The following VAV3 variants were observed in gnomAD, a reference collection of about 807,000 sequenced individuals.
The protein encoded by VAV3 is guanine nucleotide exchange factor VAV3.
Under a neutral mutation model 131.2 loss-of-function variants are expected in VAV3, and 94 were observed. The observed-to-expected ratio is 0.72, with a 90% CI of 0.61 to 0.85. The LOEUF is 0.85. VAV3 is among the 40% of genes least tolerant of loss of function. VAV3 has a pLI of 0.00. For synonymous variants in VAV3, 349 were observed against 342.0 expected (o/e 1.02, Z -0.22); for missense variants, 939 against 1,002.7 (o/e 0.94, Z 0.86).
Position 107,642,665 on chromosome 1 carries a change from T to A in VAV3, c.1868A>T (p.Asp623Val), listed in dbSNP as rs1557727461. The A allele has an allele frequency of 5.0e-6, 8 of 1,613,268 alleles. No homozygotes were observed. The East Asian group carries it at 1.8e-4, about 36-fold the overall frequency. ...ATCTCCTTTCAGAAGTTCAACGGTA[T>A]CCCCGGCCTGGAGCTGTAAAGGGGG... ...EGPPLQLQAG[D>V]TVELLKGDAH... The change falls in exon 20 of 27, where the codon GAT (aspartate) becomes GTT (valine). Residue 623 changes from aspartate to valine, a missense_variant. By Grantham distance (152) the Asp-to-Val change is radical. Transcript: ENST00000370056.
At chr1:107,731,998 C>A (rs1662271732) in intron 15 of VAV3, among the ~76,000 whole-genome samples, 1 of 152,196 alleles carries the variant, frequency 6.6e-6, no homozygotes, top group South Asian at 2.1e-4. Context: ...CAACAACTTA[C>A]TTCTAAGTGA....
At chr1:107,791,151 T>C (rs1316700120) in intron 2 of VAV3, among the ~76,000 whole-genome samples, 2 of 152,156 alleles carry the variant, frequency 1.3e-5, no homozygotes, top group Non-Finnish European at 2.9e-5. Context: ...TTGCTGTGAT[T>C]TGGCTGCATT....
intron 15 of VAV3, among the ~76,000 whole-genome samples, chr1:107,745,013 T>C (rs1663248391): frequency 6.6e-6 from 1 of 152,188 alleles, no homozygotes; most frequent in Admixed American, 6.5e-5. Flanking sequence ...AAAAGCACAA[T>C]GGATATATTG....
Position 107,704,635 on chromosome 1 carries a change from T to G in VAV3, c.1620A>C (p.Gln540His), listed in dbSNP as rs1437411989. ...CTCCACACTTAAAACATAAATAGCC[T>G]TGATAAAATGTTCCCCTGAAAGGTG... Reference protein sequence around the residue: ...CQMLLRGTFYQGYLCFKCGAR... With the variant: ...CQMLLRGTFYHGYLCFKCGAR... The change falls in exon 17 of 27, where the codon CAA becomes CAC. Residue 540 changes from glutamine (Q) to histidine (H), a missense_variant. By Grantham distance (24) the Gln-to-His change is conservative (BLOSUM62 0). Coordinates refer to ENST00000370056, the MANE Select transcript of VAV3 (RefSeq NM_006113.5). The G allele has an allele frequency of 1.2e-6, 2 of 1,613,326 alleles. No individual in the cohort carries two copies.
intron 19 of VAV3, among the ~76,000 whole-genome samples, chr1:107,671,946 T>G (rs1303098100): frequency 6.6e-6 from 1 of 152,162 alleles, no homozygotes; most frequent in Non-Finnish European, 1.5e-5. Context: ...GTACACAATA[T>G]AATTGTGGTT....
intron 3 of VAV3, among the ~76,000 whole-genome samples, chr1:107,779,198 G>T (rs994133739): frequency 6.6e-6 from 1 of 151,266 alleles, no homozygotes; most frequent in Non-Finnish European, 1.5e-5. Context: ...AACCACACCA[G>T]TGACAGTCAC....
Position 107,642,643 on chromosome 1 carries a change from T to C in VAV3, c.1890A>G (p.Gly630=). The part of the protein sequence containing the change: ...QAGDTVELLK[G]DAHSLFWQGR... ...CCTGCCAAAACAGACTGTGTGCATC[T>C]CCTTTCAGAAGTTCAACGGTATCCC... Residue 630 remains glycine (G), a synonymous_variant, in exon 20 of 27, where the codon GGA becomes GGG. Coordinates refer to ENST00000370056, the MANE Select transcript of VAV3 (RefSeq NM_006113.5). 3.1e-6 allele frequency: 5 copies of C among 1,613,210 alleles called. No homozygotes were observed. Among genetic ancestry groups the C allele is most frequent in the Non-Finnish European group, 4.2e-6 (5 of 1,179,514 alleles).
In VAV3 at chr1:107,965,130, G is replaced by C. The variant is rs915180453; in HGVS notation, c.-261C>G. ...GCTCTCCGTGCGCCCCGGCCGGCTC[G>C]GCGGCGGCTGCCGCGCACAGGCTTC... On this transcript the variant is annotated 5_prime_UTR_variant, in exon 1 of 27. Transcript: ENST00000370056. 2.7e-5 allele frequency: 4 copies of C among 149,590 alleles called. No individual in the cohort carries two copies. The highest frequency in any genetic ancestry group is 6.7e-5 in the Admixed American group (1 of 14,960). 9.3% of individuals were successfully genotyped at this position (149,590 alleles called of 1,614,324 possible).
chr1:107,862,341 C>G (rs112314190), intron 2 of VAV3, among the ~76,000 whole-genome samples: 1 of 151,418 alleles, frequency 6.6e-6, no homozygotes, highest in African/African-American at 2.4e-5. Context: ...CACCCCCACA[C>G]TACCCCTCTC....
At chr1:107,898,045 G>C (rs1007333059) in intron 1 of VAV3, among the ~76,000 whole-genome samples, 1 of 151,744 alleles carries the variant, frequency 6.6e-6, no homozygotes, top group Non-Finnish European at 1.5e-5. Flanking sequence ...GTTCTCCAGA[G>C]ATTTTAGATA....
intron 17 of VAV3, among the ~76,000 whole-genome samples, chr1:107,703,319 TC>T (rs1181681778): frequency 6.6e-6 from 1 of 152,220 alleles, no homozygotes; most frequent in Non-Finnish European, 1.5e-5. Context: ...TTTCTGACTT[TC>T]CGACAGAAGT....
chr1:107,617,866 T>A (rs958411968), intron 20 of VAV3, among the ~76,000 whole-genome samples: 5 of 152,180 alleles, frequency 3.3e-5, no homozygotes, highest in African/African-American at 1.2e-4. Flanking sequence ...TAATTCAAGT[T>A]TATTTTTCAA....
intron 1 of VAV3, among the ~76,000 whole-genome samples, chr1:107,927,566 G>C (rs1314496735): frequency 6.6e-6 from 1 of 152,112 alleles, no homozygotes; most frequent in African/African-American, 2.4e-5. Context: ...TGTAAGGGGA[G>C]TCCCAGGTCA....
chr1:107,657,459 C>A (rs1001747840), intron 19 of VAV3, among the ~76,000 whole-genome samples: 1 of 152,132 alleles, frequency 6.6e-6, no homozygotes, highest in African/African-American at 2.4e-5. Flanking sequence ...TTCTGGCTAT[C>A]TCAGGAAATA....
At chr1:107,739,765 CACTAAG>C (rs772421069) in intron 15 of VAV3, among the ~76,000 whole-genome samples, 70 of 152,164 alleles carry the variant, frequency 4.6e-4, no homozygotes, top group Non-Finnish European at 9.3e-4. Context: ...GGGCTTTGGA[CACTAAG>C]AAAATGCCAA....
chr1:107,702,794 TCAAA>T (rs1660214930), intron 17 of VAV3, among the ~76,000 whole-genome samples: 1 of 103,450 alleles, frequency 9.7e-6, no homozygotes, highest in Non-Finnish European at 1.9e-5. Context: ...CCCACGTCTT[TCAAA>T]AAAAAAAAAA....
chr1:107,660,740 T>G (rs1228018682), intron 19 of VAV3, among the ~76,000 whole-genome samples: 1 of 152,160 alleles, frequency 6.6e-6, no homozygotes, highest in Non-Finnish European at 1.5e-5. Flanking sequence ...CTGCTTGGAA[T>G]GTGAACAACA....
chr1:107,691,629 A>G (rs1477075012), intron 17 of VAV3, among the ~76,000 whole-genome samples: 1 of 152,182 alleles, frequency 6.6e-6, no homozygotes, highest in Non-Finnish European at 1.5e-5. Flanking sequence ...TCCTCAACTT[A>G]TATTTACCCT....
At chr1:107,919,725 C>A (rs1672799268) in intron 1 of VAV3, among the ~76,000 whole-genome samples, 1 of 151,792 alleles carries the variant, frequency 6.6e-6, no homozygotes, top group Non-Finnish European at 1.5e-5. Flanking sequence ...TATATAAAGA[C>A]CTATAGAATA....
Sources: gnomAD v4.1 joint callset for allele counts (sites outside exome capture counted in the v4.1 genomes callset) on GRCh38, gnomAD v4.1.1 for gene constraint, MANE v1.5 for transcripts, NCBI Gene and HGNC (gene_info 2026-07-23, HGNC 2026-07-21) for gene names.